SPOCK3: variants seen among roughly 807,000 people sequenced by gnomAD.
SPOCK3 encodes SPARC (osteonectin), cwcv and kazal like domains proteoglycan 3, also known as testican-3.
In SPOCK3, 30 loss-of-function variants were observed where a neutral mutation model predicts 56.6. That is an observed-to-expected ratio of 0.53 (90% CI 0.40 to 0.72). The LOEUF (loss-of-function observed/expected upper bound fraction) is 0.72, where lower values mean the gene tolerates loss of function less well. SPOCK3 is among the 30% of genes least tolerant of loss of function. The probability of loss-of-function intolerance (pLI) is 0.00; values close to 1 mark genes in which losing one functional copy is unlikely to be tolerated. For synonymous variants in SPOCK3, 196 were observed against 183.3 expected (o/e 1.07, Z -0.56); for missense variants, 527 against 530.0 (o/e 0.99, Z 0.06).
At chr4:166,791,777 C>A (rs941015130) in intron 7 of SPOCK3, among the ~76,000 whole-genome samples, 1 of 152,054 alleles carries the variant, frequency 6.6e-6, no homozygotes, top group African/African-American at 2.4e-5. Flanking sequence ...AATAGAGACA[C>A]CAGCAAAGTA....
At chr4:167,211,540 T>C (rs1734872881) in intron 2 of SPOCK3, among the ~76,000 whole-genome samples, 1 of 152,134 alleles carries the variant, frequency 6.6e-6, no homozygotes, top group Non-Finnish European at 1.5e-5. Flanking sequence ...AATTGAATCA[T>C]GGGGGCAGGT....
intron 2 of SPOCK3, among the ~76,000 whole-genome samples, chr4:167,149,865 AT>A (rs1764275031): frequency 2.0e-5 from 3 of 151,766 alleles, no homozygotes; most frequent in Non-Finnish European, 4.4e-5. Context: ...ATACACACAC[AT>A]ATACTAAAAG....
intron 4 of SPOCK3, among the ~76,000 whole-genome samples, chr4:166,917,100 G>A (rs552396426): frequency 3.0e-4 from 46 of 152,204 alleles, no homozygotes; most frequent in African/African-American, 1.0e-3. Context: ...AAAATGTGGC[G>A]TGGTTGTGTT....
At chr4:167,186,619 C>T (rs374235724) in intron 2 of SPOCK3, among the ~76,000 whole-genome samples, 7 of 151,082 alleles carry the variant, frequency 4.6e-5, no homozygotes, top group East Asian at 2.0e-4. Context: ...AAGAGCAAAA[C>T]TCTGTCTCAA....
Position 166,956,357 on chromosome 4 carries a change from G to C in SPOCK3, c.351-43614C>G, listed in dbSNP as rs191871863. Among the ~76,000 whole-genome samples the C allele has an allele frequency of 1.5e-3, 228 of 152,210 alleles. 3 individuals carry two copies. Among genetic ancestry groups the C allele is most frequent in the Middle Eastern group, 0.014 (4 of 294 alleles). On this transcript the variant is annotated intron_variant, in intron 4 of 10. Coordinates refer to ENST00000357545, the MANE Select transcript of SPOCK3 (RefSeq NM_001040159.2). ...TATAGCAATATGCCAGCAACACTGTGCTTGCACTTTGGGGCCACTATGAAG... is the reference window on the plus strand; with the variant it reads ...TATAGCAATATGCCAGCAACACTGTCCTTGCACTTTGGGGCCACTATGAAG...
chr4:166,738,937 C>T (rs1292951893), intron 9 of SPOCK3, among the ~76,000 whole-genome samples: 2 of 152,044 alleles, frequency 1.3e-5, no homozygotes, highest in Non-Finnish European at 2.9e-5. Context: ...TATACGTGTG[C>T]ATGTGTCTTC....
intron 2 of SPOCK3, among the ~76,000 whole-genome samples, chr4:167,134,149 C>T (rs1762924419): frequency 6.6e-6 from 1 of 150,840 alleles, no homozygotes; most frequent in Non-Finnish European, 1.5e-5. Context: ...CTGTCTCAGC[C>T]TCCTGAGTAG....
At chr4:167,187,214 C>T (rs74546602) in intron 2 of SPOCK3, among the ~76,000 whole-genome samples, 95 of 151,348 alleles carry the variant, frequency 6.3e-4, no homozygotes, top group Middle Eastern at 3.5e-3. Flanking sequence ...TCATCTTTTA[C>T]GTTTCATTCA....
Position 166,748,932 on chromosome 4 carries a change from A to G in SPOCK3, c.931+5576T>C, listed in dbSNP as rs948877052. ...CAGGGAAATGCATATCAAAACCACAATGAGATACCATCTCACACCAGTTAG... is the reference window on the plus strand; with the variant it reads ...CAGGGAAATGCATATCAAAACCACAGTGAGATACCATCTCACACCAGTTAG... On this transcript the variant is annotated intron_variant, in intron 8 of 10. Coordinates refer to ENST00000357545, the MANE Select transcript of SPOCK3 (RefSeq NM_001040159.2). Among the ~76,000 whole-genome samples, 5 of 137,790 alleles carry G rather than the reference A, an allele frequency of 3.6e-5. No homozygotes were observed. The East Asian group carries it at 5.8e-4, about 16-fold the overall frequency. 90.4% of individuals were successfully genotyped at this position (137,790 alleles called of 152,430 possible).
chr4:167,164,711 G>T (rs1486047491), intron 2 of SPOCK3, among the ~76,000 whole-genome samples: 2 of 151,926 alleles, frequency 1.3e-5, no homozygotes, highest in East Asian at 3.9e-4. Flanking sequence ...CTGTTCCTGT[G>T]TTAGTTTGCT....
At chr4:166,926,338 C>T (rs1739094195) in intron 4 of SPOCK3, among the ~76,000 whole-genome samples, 1 of 152,096 alleles carries the variant, frequency 6.6e-6, no homozygotes, top group Admixed American at 6.5e-5. Context: ...TCAGCATACT[C>T]ATAGCCACAC....
intron 2 of SPOCK3, among the ~76,000 whole-genome samples, chr4:167,142,703 C>T (rs151144907): frequency 1.7e-4 from 26 of 151,666 alleles, no homozygotes; most frequent in African/African-American, 5.3e-4. Flanking sequence ...GAGATTAAGC[C>T]GATGAAAACT....
chr4:166,942,972 TTCTG>T (rs1295493303), intron 4 of SPOCK3, among the ~76,000 whole-genome samples: 1 of 152,198 alleles, frequency 6.6e-6, no homozygotes, highest in Admixed American at 6.5e-5. Flanking sequence ...TGTGCATATA[TTCTG>T]TCTTTTTTTC....
chr4:167,049,583 T>C (rs1411701927), intron 3 of SPOCK3, among the ~76,000 whole-genome samples: 1 of 152,146 alleles, frequency 6.6e-6, no homozygotes, highest in Non-Finnish European at 1.5e-5. Context: ...TAAATAATAT[T>C]TGGTATAAAA....
At chr4:167,131,351 G>T (rs1300155236) in intron 2 of SPOCK3, among the ~76,000 whole-genome samples, 1 of 152,134 alleles carries the variant, frequency 6.6e-6, no homozygotes, top group Non-Finnish European at 1.5e-5. Context: ...ATTTTGGGAG[G>T]CTGAGACGGT....
intron 3 of SPOCK3, among the ~76,000 whole-genome samples, chr4:167,044,006 T>G (rs986234998): frequency 1.3e-5 from 2 of 151,978 alleles, no homozygotes; most frequent in African/African-American, 4.8e-5. Flanking sequence ...TCTAAAAAAT[T>G]GCGGAGAATT....
At chr4:167,146,821 G>A (rs765305089) in intron 2 of SPOCK3, among the ~76,000 whole-genome samples, 35 of 152,114 alleles carry the variant, frequency 2.3e-4, no homozygotes, top group Non-Finnish European at 4.6e-4. Flanking sequence ...GTGTGGAGAG[G>A]GAAATTTATA....
Position 166,878,703 on chromosome 4 carries a change from T to A in SPOCK3, c.589+10427A>T, listed in dbSNP as rs1007151159. Among the ~76,000 whole-genome samples, 3 of 152,120 alleles carry A rather than the reference T, an allele frequency of 2.0e-5. No homozygotes were observed. The South Asian group carries it at 6.2e-4, about 32-fold the overall frequency. ...TATATACTGTTATTGAAGGAGCACATGACCTGTGACCATAACAGAAAGAGA... is the reference window on the plus strand; with the variant it reads ...TATATACTGTTATTGAAGGAGCACAAGACCTGTGACCATAACAGAAAGAGA... On this transcript the variant is annotated intron_variant, in intron 6 of 10. Coordinates refer to ENST00000357545, the MANE Select transcript of SPOCK3 (RefSeq NM_001040159.2).
rs186088250 is a variant in SPOCK3, at chr4:166,769,670, A to T, written c.710-14941T>A. On this transcript the variant is annotated intron_variant, in intron 7 of 10. Transcript: ENST00000357545. ...TTGAGGAGGCAGTCTGTCCGTTCTC[A>T]GATCTCAAACTCTGTGCTGGGAGAA... Among the ~76,000 whole-genome samples the T allele has an allele frequency of 2.1e-4, 32 of 152,250 alleles. 1 individual carries two copies. In the East Asian group the frequency reaches 6.2e-3, roughly 30 times the overall value.
Sources: gnomAD v4.1 joint callset for allele counts (sites outside exome capture counted in the v4.1 genomes callset) on GRCh38, gnomAD v4.1.1 for gene constraint, MANE v1.5 for transcripts, NCBI Gene and HGNC (gene_info 2026-07-23, HGNC 2026-07-21) for gene names.